Variants in PFKFB2 observed in about 807,000 individuals in gnomAD.
PFKFB2 encodes the protein 6-phosphofructo-2-kinase/fructose-2,6-bisphosphatase 2.
PFKFB2 carries 53 observed loss-of-function variants against 68.0 expected under a neutral mutation model. The observed-to-expected ratio is 0.78, with a 90% confidence interval of 0.63 to 0.98. PFKFB2 has a LOEUF of 0.98. Ranked by LOEUF, PFKFB2 falls within the 50% of genes least tolerant of loss-of-function variation. PFKFB2 has a pLI of 0.00. For synonymous variants in PFKFB2, 222 were observed against 227.6 expected, an observed-to-expected ratio of 0.98 and a Z score of 0.22; for missense variants, 451 against 642.0, an observed-to-expected ratio of 0.70 and a Z score of 3.22.
chr1:207,079,700 G>A (rs1256240469), downstream of PFKFB2: 1 of 152,256 alleles, frequency 6.6e-6, no homozygotes, highest in African/African-American at 2.4e-5. Flanking sequence ...GTTCCCTTTT[G>A]TAGCTACTGT....
chr1:207,065,228 C>G (rs768796006), intron 8 of PFKFB2, 68 bp downstream of exon 8: 5 of 1,583,770 alleles, frequency 3.2e-6, no homozygotes, highest in Non-Finnish European at 4.3e-6. Context: ...AACCTTTCTC[C>G]CTGAGTTCTC....
intron 4 of PFKFB2, among the ~76,000 whole-genome samples, 170 bp downstream of exon 4, chr1:207,062,886 A>G (rs1683159885): frequency 6.6e-6 from 1 of 152,214 alleles, no homozygotes; most frequent in South Asian, 2.1e-4. Context: ...AACAGGGCTC[A>G]GGGTGATTGA....
rs117467160 is a variant in PFKFB2 at position 207,053,836 on chromosome 1, A to G, written c.-18+470A>G. ...GGGGTCCAGTTACTGTTTTTCCTTC[A>G]GGGAATATGTTCGAGATTTTCCCAC... On this transcript the variant is annotated intron_variant, in intron 1 of 14. Coordinates refer to ENST00000367080, the MANE Select transcript of PFKFB2 (RefSeq NM_006212.2). Among the ~76,000 whole-genome samples the G allele has an allele frequency of 3.2e-3, 479 of 150,422 alleles. 12 individuals are homozygous for G. The highest frequency in any genetic ancestry group is 0.028 in the East Asian group (141 of 5,124).
chr1:207,062,455 C>T, intron 3 of PFKFB2, 165 bp from the exon 4 acceptor site: 1 of 1,103,292 alleles, frequency 9.1e-7, no homozygotes, highest in Non-Finnish European at 1.3e-6. Flanking sequence ...AAAGTCAGGG[C>T]TTGAACCCAA....
intron 1 of PFKFB2, among the ~76,000 whole-genome samples, chr1:207,038,184 T>C (rs1156666846): frequency 1.3e-5 from 2 of 152,236 alleles, no homozygotes; most frequent in African/African-American, 4.8e-5. Context: ...CTTCATTGAC[T>C]TTATTCATTC....
At chr1:207,071,343 T>A in intron 13 of PFKFB2, 93 bp downstream of exon 13, 1 of 1,194,296 alleles carries the variant, frequency 8.4e-7, no homozygotes, top group Non-Finnish European at 1.3e-6. Flanking sequence ...TCATTATCCC[T>A]ATATACCAGG....
At chr1:207,040,674 T>C (rs1166523928) in intron 1 of PFKFB2, among the ~76,000 whole-genome samples, 1 of 152,136 alleles carries the variant, frequency 6.6e-6, no homozygotes. Flanking sequence ...CAAAACAAAA[T>C]AGAAAATATA....
At chr1:207,066,211 G>A (rs1396110100) in intron 8 of PFKFB2, among the ~76,000 whole-genome samples, 2 of 152,110 alleles carry the variant, frequency 1.3e-5, no homozygotes, top group East Asian at 3.9e-4. Context: ...TCATGTGTGA[G>A]GTATATGAGC....
At chr1:207,054,058 C>T (rs1682841455) in intron 1 of PFKFB2, among the ~76,000 whole-genome samples, 1 of 151,824 alleles carries the variant, frequency 6.6e-6, no homozygotes, top group Non-Finnish European at 1.5e-5. Flanking sequence ...CGCGCACCAC[C>T]AGGCCCGGCT....
At chr1:207,071,351 AG>A in intron 13 of PFKFB2, 101 bp downstream of exon 13, 1 of 1,149,668 alleles carries the variant, frequency 8.7e-7, no homozygotes, top group South Asian at 1.2e-5. Flanking sequence ...CCTATATACC[AG>A]GGAAGCTCCA....
At chr1:207,039,617 C>A (rs12403925) in intron 1 of PFKFB2, among the ~76,000 whole-genome samples, 17,692 of 152,026 alleles carry the variant, frequency 0.12, 1,138 homozygotes, top group Admixed American at 0.19. Context: ...TGTTTCATAC[C>A]TGATATTTCC....
chr1:207,080,038 G>A (rs1169902012), downstream of PFKFB2: 3 of 152,194 alleles, frequency 2.0e-5, no homozygotes, highest in African/African-American at 7.2e-5. Flanking sequence ...ATAAAAGTGA[G>A]GGTGGCGGGG....
intron 2 of PFKFB2, among the ~76,000 whole-genome samples, chr1:207,055,955 T>A (rs1046662553): frequency 3.9e-5 from 6 of 152,202 alleles, no homozygotes; most frequent in Non-Finnish European, 2.9e-5. Context: ...GAATACCCCA[T>A]GAGAGATAAC....
chr1:207,038,255 T>A (rs1418790016), intron 1 of PFKFB2, among the ~76,000 whole-genome samples: 1 of 152,200 alleles, frequency 6.6e-6, no homozygotes, highest in African/African-American at 2.4e-5. Flanking sequence ...CCTTATTAGG[T>A]GTTAGGAATA....
At chr1:207,050,582 C>A (rs186192051), upstream of PFKFB2, 28 of 1,488,120 alleles carry the variant, frequency 1.9e-5, no homozygotes, top group Non-Finnish European at 2.4e-5. Context: ...GCCTCAAAGC[C>A]CCCCCGCCGA....
In PFKFB2 at chr1:207,073,153, C is replaced by T. The variant is rs534485055; in HGVS notation, c.*782C>T. On this transcript the variant is annotated 3_prime_UTR_variant, in exon 15 of 15. Transcript: ENST00000367080. ...TTCATGAGAAACAGTTCTAAGTCTT[C>T]GATGCCCTGGGAGAATCTGGCTCTG... 5.5e-5 allele frequency: 54 copies of T among 985,480 alleles called. No homozygotes were observed. The highest frequency in any genetic ancestry group is 5.8e-5 in the Non-Finnish European group (48 of 829,974). 61.0% of individuals were successfully genotyped at this position (985,480 alleles called of 1,614,324 possible). A position where few individuals can be genotyped will look rare whatever the true frequency, so the allele number is the denominator to read the frequency against.
chr1:207,059,759 G>T (rs181246147), intron 2 of PFKFB2, among the ~76,000 whole-genome samples: 1 of 152,224 alleles, frequency 6.6e-6, no homozygotes, highest in East Asian at 1.9e-4. Context: ...TTTTCCTTCC[G>T]AGGGTGGTTC....
upstream of PFKFB2, chr1:207,049,619 T>C: frequency 6.2e-7 from 1 of 1,614,216 alleles, no homozygotes; most frequent in Non-Finnish European, 8.5e-7. Context: ...ACGGTTCTGG[T>C]AAGCACAGGC....
At chr1:207,037,772 T>C (rs1682404610) in intron 1 of PFKFB2, among the ~76,000 whole-genome samples, 1 of 152,242 alleles carries the variant, frequency 6.6e-6, no homozygotes, top group Admixed American at 6.5e-5. Flanking sequence ...TCTTGACATC[T>C]ACATGGCCCA....
Sources: allele counts gnomAD v4.1 joint callset (sites outside exome capture counted in the v4.1 genomes callset), GRCh38; gene constraint gnomAD v4.1.1; transcripts MANE v1.5; gene names NCBI Gene and HGNC (gene_info 2026-07-23, HGNC 2026-07-21).